Variants in RTL4 observed in about 807,000 individuals in gnomAD.
The protein encoded by RTL4 is retrotransposon Gag-like protein 4.
In RTL4, 4 loss-of-function variants were observed where a neutral mutation model predicts 5.3. The ratio of observed to expected loss-of-function variants is 0.75; its 90% confidence interval spans 0.37 to 1.72. The LOEUF is 1.72. Ranked by LOEUF, RTL4 falls within the 40% of genes most tolerant of loss-of-function variation. The probability of loss-of-function intolerance (pLI) is 0.04; values close to 1 mark genes in which losing one functional copy is unlikely to be tolerated. For synonymous variants in RTL4, 98 were observed against 87.3 expected, an observed-to-expected ratio of 1.12 and a Z score of -0.68; for missense variants, 260 against 227.1, an observed-to-expected ratio of 1.14 and a Z score of -0.93.
At chrX:112,290,617 G>T in the RTL4 span, among the ~76,000 whole-genome samples, 1 of 112,295 alleles carries the variant, frequency 8.9e-6, no homozygotes, top group African/African-American at 3.2e-5. Flanking sequence ...GTGGACCCAG[G>T]TTCATAAGCT....
At chrX:112,374,913 A>C in the RTL4 span, among the ~76,000 whole-genome samples, 2 of 111,880 alleles carry the variant, frequency 1.8e-5, no homozygotes, top group Non-Finnish European at 3.8e-5. Flanking sequence ...TGCCAGAGGA[A>C]AGTTATAAAG....
the RTL4 span, among the ~76,000 whole-genome samples, chrX:112,286,124 T>C: frequency 9.0e-6 from 1 of 111,332 alleles, no homozygotes; most frequent in African/African-American, 3.3e-5. Flanking sequence ...TGGAAGAAAG[T>C]CTCTCTGAGA....
the RTL4 span, among the ~76,000 whole-genome samples, chrX:112,146,501 T>C: frequency 3.6e-5 from 4 of 110,868 alleles, no homozygotes; most frequent in East Asian, 1.1e-3. Flanking sequence ...ACGGAGATAA[T>C]TTAAAATCTG....
the RTL4 span, among the ~76,000 whole-genome samples, chrX:112,353,997 T>C: frequency 1.9e-4 from 21 of 111,285 alleles, no homozygotes; most frequent in Non-Finnish European, 1.7e-4. Flanking sequence ...ACTACTACCT[T>C]TGCAGCTTTT....
chrX:112,381,331 T>A, the RTL4 span: 1 of 1,210,275 alleles, frequency 8.3e-7, no homozygotes, highest in East Asian at 3.0e-5. Flanking sequence ...TAAATAATTT[T>A]GTCAAGCCAG....
chrX:112,299,888 A>G, the RTL4 span, among the ~76,000 whole-genome samples: 4 of 111,129 alleles, frequency 3.6e-5, no homozygotes, highest in Admixed American at 9.6e-5. Context: ...ATCATACTGT[A>G]TGTGTGTGTG....
chrX:112,206,454 C>T, the RTL4 span, among the ~76,000 whole-genome samples: 1 of 111,364 alleles, frequency 9.0e-6, no homozygotes, highest in African/African-American at 3.3e-5. Context: ...GAAACTTTGA[C>T]AGAGGTAACC....
the RTL4 span, among the ~76,000 whole-genome samples, chrX:112,272,470 G>T: frequency 9.0e-6 from 1 of 111,547 alleles, no homozygotes; most frequent in East Asian, 2.8e-4. Flanking sequence ...ATTGCAGAAG[G>T]TACACTTGAT....
the RTL4 span, among the ~76,000 whole-genome samples, chrX:112,203,083 C>T: frequency 1.1e-4 from 12 of 110,824 alleles, no homozygotes; most frequent in Non-Finnish European, 2.1e-4. Context: ...ACTGTCTCTT[C>T]GTATCTCTTG....
the RTL4 span, among the ~76,000 whole-genome samples, chrX:112,427,390 A>G: frequency 9.0e-6 from 1 of 110,916 alleles, no homozygotes; most frequent in Non-Finnish European, 1.9e-5. Flanking sequence ...AAAATCGAAC[A>G]TCTATTCCTG....
At chrX:112,226,673 G>T in the RTL4 span, among the ~76,000 whole-genome samples, 17 of 105,883 alleles carry the variant, frequency 1.6e-4, no homozygotes, top group Admixed American at 1.5e-3. Flanking sequence ...GAAGTGCCAG[G>T]CACTCATTAA....
At chrX:112,232,769 G>C in the RTL4 span, among the ~76,000 whole-genome samples, 3 of 111,498 alleles carry the variant, frequency 2.7e-5, no homozygotes, top group South Asian at 3.8e-4. Flanking sequence ...TGGAGTGTTA[G>C]CTATGATTTG....
chrX:112,244,612 G>A, the RTL4 span, among the ~76,000 whole-genome samples: 1 of 111,572 alleles, frequency 9.0e-6, no homozygotes, highest in Non-Finnish European at 1.9e-5. Flanking sequence ...TGGGTCTCCT[G>A]AATATAGCAC....
chrX:112,172,014 GA>G, the RTL4 span, among the ~76,000 whole-genome samples: 1 of 111,352 alleles, frequency 9.0e-6, no homozygotes, highest in Non-Finnish European at 1.9e-5. Flanking sequence ...AAATTTACAA[GA>G]AAAAAACAAA....
chrX:112,394,522 TTAAAG>T, the RTL4 span, among the ~76,000 whole-genome samples: 2 of 111,914 alleles, frequency 1.8e-5, no homozygotes, highest in East Asian at 2.8e-4. Flanking sequence ...ATAATTATCT[TTAAAG>T]TAATTTTAAT....
chrX:112,379,187 G>A, the RTL4 span, among the ~76,000 whole-genome samples: 1 of 112,523 alleles, frequency 8.9e-6, no homozygotes, highest in African/African-American at 3.2e-5. Flanking sequence ...GCCTGATAGA[G>A]CAATAGTGCA....
chrX:112,205,045 A>G, the RTL4 span, among the ~76,000 whole-genome samples: 1 of 112,135 alleles, frequency 8.9e-6, no homozygotes, highest in Non-Finnish European at 1.9e-5. Context: ...CCTTGCTGAT[A>G]TCTGTTTACT....
the RTL4 span, among the ~76,000 whole-genome samples, chrX:112,269,067 TA>T: frequency 1.2e-4 from 14 of 112,308 alleles, no homozygotes; most frequent in Non-Finnish European, 2.1e-4. Flanking sequence ...AACCATGTTC[TA>T]ACTAATTCTG....
chrX:112,226,961 T>TAAAAC, the RTL4 span, among the ~76,000 whole-genome samples: 2 of 58,627 alleles, frequency 3.4e-5, no homozygotes, highest in African/African-American at 2.1e-4. Context: ...TAAAATAAAA[T>TAAAAC]AAAATAAAAT....
Sources: gnomAD v4.1 joint callset for allele counts (sites outside exome capture counted in the v4.1 genomes callset) on GRCh38, gnomAD v4.1.1 for gene constraint, MANE v1.5 for transcripts, NCBI Gene and HGNC (gene_info 2026-07-23, HGNC 2026-07-21) for gene names.